The following NRXN1 variants were observed in gnomAD, a reference collection of about 807,000 sequenced individuals.
NRXN1 encodes neurexin 1.
A neutral mutation model predicts 150.9 loss-of-function variants in NRXN1; 39 were observed. The observed-to-expected ratio is 0.26, with a 90% confidence interval of 0.20 to 0.34. NRXN1 has a LOEUF of 0.34. Among genes scored for constraint, NRXN1 ranks in the 10% least tolerant of loss-of-function variants. The pLI, the probability that NRXN1 is intolerant of heterozygous loss-of-function variation, is 1.00. For missense variants in NRXN1, 1,815 were observed against 1,949.9 expected, an observed-to-expected ratio of 0.93 and a Z score of 1.30; for synonymous variants, 924 against 757.0, an observed-to-expected ratio of 1.22 and a Z score of -3.62.
At chr2:50,681,965 A>G (rs1383815611) in intron 5 of NRXN1, among the ~76,000 whole-genome samples, 1 of 152,184 alleles carries the variant, frequency 6.6e-6, no homozygotes, top group African/African-American at 2.4e-5. Flanking sequence ...TAAAACAGAA[A>G]CTGATAACAA....
At chr2:50,643,151 A>G (rs1484533983) in intron 5 of NRXN1, among the ~76,000 whole-genome samples, 1 of 151,884 alleles carries the variant, frequency 6.6e-6, no homozygotes, top group Admixed American at 6.6e-5. Flanking sequence ...GGGCCTAAAT[A>G]TATTTTTATC....
intron 2 of NRXN1, among the ~76,000 whole-genome samples, chr2:50,955,088 T>TCA (rs1008768093): frequency 3.3e-5 from 5 of 152,126 alleles, no homozygotes; most frequent in African/African-American, 4.8e-5. Context: ...TCTCTATCTC[T>TCA]CACACACACA....
chr2:50,547,867 C>A (rs1558917210), intron 9 of NRXN1, among the ~76,000 whole-genome samples: 2 of 152,042 alleles, frequency 1.3e-5, no homozygotes, highest in Non-Finnish European at 2.9e-5. Context: ...CTGCACTGCA[C>A]ATAAAGAACA....
intron 18 of NRXN1, among the ~76,000 whole-genome samples, chr2:50,126,359 C>T (rs1301567449): frequency 6.6e-6 from 1 of 151,780 alleles, no homozygotes; most frequent in African/African-American, 2.4e-5. Context: ...CTGTTTAAGT[C>T]GTGGGTACAG....
chr2:50,014,436 G>T (rs1024246527), intron 21 of NRXN1, among the ~76,000 whole-genome samples: 1 of 152,006 alleles, frequency 6.6e-6, no homozygotes, highest in African/African-American at 2.4e-5. Flanking sequence ...ACTTGTGGGG[G>T]ACTGACCTGT....
intron 5 of NRXN1, among the ~76,000 whole-genome samples, chr2:50,677,409 C>T (rs764469330): frequency 2.6e-5 from 4 of 152,102 alleles, no homozygotes; most frequent in Non-Finnish European, 5.9e-5. Flanking sequence ...GTTGGCTTTC[C>T]TATTTCTTGA....
intron 2 of NRXN1, among the ~76,000 whole-genome samples, chr2:51,011,417 G>T (rs183821743): frequency 6.6e-6 from 1 of 151,980 alleles, no homozygotes; most frequent in Non-Finnish European, 1.5e-5. Context: ...AATGTGTTCA[G>T]CATAAGAATA....
chr2:50,913,870 C>T (rs1684860588), intron 5 of NRXN1, among the ~76,000 whole-genome samples: 1 of 151,648 alleles, frequency 6.6e-6, no homozygotes, highest in South Asian at 2.1e-4. Context: ...ATACATGTGG[C>T]TACATTTCTT....
At chr2:50,073,022 T>C (rs556099070) in intron 19 of NRXN1, among the ~76,000 whole-genome samples, 3 of 152,360 alleles carry the variant, frequency 2.0e-5, no homozygotes, top group African/African-American at 7.2e-5. Context: ...GGACAAACTT[T>C]GTCTATGCCT....
chr2:50,652,649 C>T (rs1180232739), intron 5 of NRXN1, among the ~76,000 whole-genome samples: 1 of 152,048 alleles, frequency 6.6e-6, no homozygotes, highest in Non-Finnish European at 1.5e-5. Context: ...TGCTGCTATG[C>T]TGTGAACATC....
intron 18 of NRXN1, among the ~76,000 whole-genome samples, chr2:50,149,180 T>A (rs1265789675): frequency 6.6e-6 from 1 of 151,788 alleles, no homozygotes; most frequent in Non-Finnish European, 1.5e-5. Flanking sequence ...GAAACATCGA[T>A]GCCATGAACA....
chr2:50,385,086 C>T (rs1288827333), intron 17 of NRXN1, among the ~76,000 whole-genome samples: 6 of 152,292 alleles, frequency 3.9e-5, no homozygotes, highest in Admixed American at 2.6e-4. Context: ...TAATTGTTTT[C>T]ACATAAAAAT....
chr2:49,944,616 C>T (rs995868507), intron 21 of NRXN1, among the ~76,000 whole-genome samples: 5 of 152,052 alleles, frequency 3.3e-5, no homozygotes, highest in Non-Finnish European at 7.4e-5. Context: ...CTGATAAGCA[C>T]GAAAAGTTGT....
At chr2:50,565,321 C>A (rs1032337465) in intron 8 of NRXN1, among the ~76,000 whole-genome samples, 1 of 151,896 alleles carries the variant, frequency 6.6e-6, no homozygotes, top group African/African-American at 2.4e-5. Context: ...TAATTTCGCA[C>A]GTCTTTTCCT....
At chr2:50,841,302 T>C (rs1293331623) in intron 5 of NRXN1, among the ~76,000 whole-genome samples, 3 of 152,200 alleles carry the variant, frequency 2.0e-5, no homozygotes, top group South Asian at 4.1e-4. Context: ...TTGAAGGAAT[T>C]TGAAATTTCC....
chr2:50,685,939 A>C (rs1007478550), intron 5 of NRXN1, among the ~76,000 whole-genome samples: 1 of 152,074 alleles, frequency 6.6e-6, no homozygotes, highest in Non-Finnish European at 1.5e-5. Context: ...CGCATCAAAA[A>C]TATAGATCTT....
intron 17 of NRXN1, among the ~76,000 whole-genome samples, chr2:50,367,255 C>G (rs562618995): frequency 1.3e-3 from 194 of 151,930 alleles, no homozygotes; most frequent in African/African-American, 4.4e-3. Flanking sequence ...ACCTATAGTC[C>G]CCTTCTTAAA....
intron 5 of NRXN1, among the ~76,000 whole-genome samples, chr2:50,759,684 T>C (rs1037133759): frequency 1.3e-5 from 2 of 151,850 alleles, no homozygotes; most frequent in African/African-American, 4.8e-5. Context: ...CTATTCTTGA[T>C]TTGGTTAAGG....
intron 5 of NRXN1, among the ~76,000 whole-genome samples, chr2:50,637,994 C>T (rs1683482849): frequency 6.6e-6 from 1 of 152,072 alleles, no homozygotes; most frequent in Non-Finnish European, 1.5e-5. Flanking sequence ...TGAATTGTGA[C>T]AAGCTTTATT....
Sources: allele counts gnomAD v4.1 joint callset (sites outside exome capture counted in the v4.1 genomes callset), GRCh38; gene constraint gnomAD v4.1.1; transcripts MANE v1.5; gene names NCBI Gene and HGNC (gene_info 2026-07-23, HGNC 2026-07-21).